Variants in UBR3 observed in about 807,000 individuals in gnomAD.
UBR3 encodes the protein ubiquitin protein ligase E3 component n-recognin 3.
In UBR3, 85 loss-of-function variants were observed where a neutral mutation model predicts 243.2. The ratio of observed to expected loss-of-function variants is 0.35; its 90% confidence interval spans 0.29 to 0.42. The LOEUF is 0.42. UBR3 is among the 10% of genes least tolerant of loss of function. The pLI, the probability that UBR3 is intolerant of heterozygous loss-of-function variation, is 1.00. For synonymous variants in UBR3, 748 were observed against 799.8 expected, an observed-to-expected ratio of 0.94 and a Z score of 1.09; for missense variants, 1,686 against 2,300.8, an observed-to-expected ratio of 0.73 and a Z score of 5.47.
In UBR3 at chr2:170,029,387, A is replaced by G. The variant is rs771898035; in HGVS notation, c.4495A>G (p.Ser1499Gly). The G allele has an allele frequency of 1.2e-6, 2 of 1,611,802 alleles. No homozygotes were observed. Among genetic ancestry groups the G allele is most frequent in the Non-Finnish European group, 1.7e-6 (2 of 1,178,728 alleles). Residue 1499 changes from serine (S) to glycine (G), a missense_variant, in exon 31 of 39, where the codon AGC becomes GGC. Ser to Gly is a moderately conservative substitution (Grantham distance 56, BLOSUM62 0). Around this residue, in one of 8 missense-constraint regions of UBR3, gnomAD observed 371 missense variants for 422.5 expected, o/e 0.88. Coordinates refer to ENST00000272793, the MANE Select transcript of UBR3 (RefSeq NM_172070.4). ...HVLALHMRLY[S>G]IDSEYNPWRK... Reference sequence around the variant, plus strand: ...ATTAGCCTTGCACATGCGGCTTTATAGCATTGACTCTGAGTATAATCCCTG... The same window carrying G: ...ATTAGCCTTGCACATGCGGCTTTATGGCATTGACTCTGAGTATAATCCCTG...
At chr2:170,055,661 A>C in intron 33 of UBR3, 77 bp downstream of exon 33, 2 of 1,533,074 alleles carry the variant, frequency 1.3e-6, no homozygotes, top group Non-Finnish European at 1.8e-6. Context: ...GAATAAGAGT[A>C]GGTGTTACAA....
At chr2:170,034,679 G>T (rs571939640) in intron 31 of UBR3, among the ~76,000 whole-genome samples, 1 of 151,902 alleles carries the variant, frequency 6.6e-6, no homozygotes, top group Non-Finnish European at 1.5e-5. Context: ...GCTTTTTTGG[G>T]TAAATACTAA....
At chr2:169,860,913 C>G (rs1328783551) in intron 1 of UBR3, among the ~76,000 whole-genome samples, 1 of 152,190 alleles carries the variant, frequency 6.6e-6, no homozygotes, top group Admixed American at 6.5e-5. Context: ...CTGCAGCACT[C>G]AGTCTGTGGC....
At chr2:169,925,495 C>T (rs762915729) in intron 13 of UBR3, 124 bp from the exon 14 acceptor site, 40 of 859,306 alleles carry the variant, frequency 4.7e-5, no homozygotes, top group Non-Finnish European at 6.1e-5. Flanking sequence ...TTATCTTTAA[C>T]ATTGGACAGA....
chr2:169,840,210 G>C (rs185276873), intron 1 of UBR3, among the ~76,000 whole-genome samples: 1 of 152,308 alleles, frequency 6.6e-6, no homozygotes, highest in East Asian at 1.9e-4. Context: ...CATTGTATGA[G>C]CCTGAAGTTT....
At chr2:170,075,913 G>GAA (rs35290980) in intron 36 of UBR3, among the ~76,000 whole-genome samples, 7 of 137,312 alleles carry the variant, frequency 5.1e-5, no homozygotes, top group Non-Finnish European at 7.8e-5. Context: ...AACTATGACA[G>GAA]AAAAAAAAAA....
intron 30 of UBR3, among the ~76,000 whole-genome samples, chr2:170,018,646 T>C (rs536838313): frequency 3.3e-5 from 5 of 152,324 alleles, no homozygotes; most frequent in Non-Finnish European, 5.9e-5. Context: ...ATCATATCTA[T>C]CTGCTGGAAT....
intron 5 of UBR3, among the ~76,000 whole-genome samples, chr2:169,889,095 G>C (rs542029118): frequency 1.3e-5 from 2 of 152,238 alleles, no homozygotes; most frequent in Admixed American, 1.3e-4. Context: ...TGGTATGTAA[G>C]AGTACCTATT....
At chr2:169,902,832 A>G (rs548554035) in intron 8 of UBR3, among the ~76,000 whole-genome samples, 1 of 152,024 alleles carries the variant, frequency 6.6e-6, no homozygotes, top group Non-Finnish European at 1.5e-5. Flanking sequence ...CTGGTCTCGA[A>G]CTCCTGACTT....
intron 18 of UBR3, among the ~76,000 whole-genome samples, chr2:169,929,079 T>C (rs2086017471): frequency 1.3e-5 from 2 of 152,246 alleles, no homozygotes; most frequent in Non-Finnish European, 2.9e-5. Flanking sequence ...CTAAGACTTC[T>C]TAGATGACTC....
At chr2:169,922,229 C>T (rs2085730895) in intron 11 of UBR3, among the ~76,000 whole-genome samples, 1 of 148,632 alleles carries the variant, frequency 6.7e-6, no homozygotes, top group Admixed American at 6.8e-5. Flanking sequence ...GAGGTTGCAG[C>T]GAACTGTGAT....
intron 30 of UBR3, among the ~76,000 whole-genome samples, chr2:170,022,167 G>A (rs1238821613): frequency 2.0e-5 from 3 of 152,100 alleles, no homozygotes; most frequent in African/African-American, 7.2e-5. Context: ...AAGCTCTGTC[G>A]GAAAGCGAAA....
At chr2:169,979,987 C>G (rs2088643199) in intron 24 of UBR3, among the ~76,000 whole-genome samples, 3 of 152,096 alleles carry the variant, frequency 2.0e-5, no homozygotes, top group Admixed American at 2.0e-4. Flanking sequence ...ATGTATGAAA[C>G]AACCTCACTG....
chr2:169,974,877 A>G (rs1176989554), intron 24 of UBR3, among the ~76,000 whole-genome samples: 2 of 152,118 alleles, frequency 1.3e-5, no homozygotes, highest in African/African-American at 4.8e-5. Context: ...TTGTTTCAAG[A>G]AACTTTTAAA....
intron 1 of UBR3, among the ~76,000 whole-genome samples, chr2:169,852,646 C>T (rs1054097849): frequency 1.3e-5 from 2 of 148,546 alleles, no homozygotes; most frequent in Non-Finnish European, 3.0e-5. Flanking sequence ...GATTTGAGAC[C>T]AGGTTGACCA....
At chr2:169,936,913 G>T (rs937593803) in intron 19 of UBR3, among the ~76,000 whole-genome samples, 1 of 152,110 alleles carries the variant, frequency 6.6e-6, no homozygotes, top group African/African-American at 2.4e-5. Context: ...TCTTAATCCA[G>T]TCTATCATTG....
chr2:170,000,955 T>G (rs2089673821), intron 26 of UBR3, among the ~76,000 whole-genome samples: 1 of 152,186 alleles, frequency 6.6e-6, no homozygotes, highest in Admixed American at 6.5e-5. Flanking sequence ...TCAGAAATCA[T>G]AGAGAGATTC....
chr2:169,997,006 G>C (rs1045435722), intron 26 of UBR3, among the ~76,000 whole-genome samples: 1 of 151,644 alleles, frequency 6.6e-6, no homozygotes, highest in African/African-American at 2.4e-5. Context: ...GCCTGCTTTG[G>C]ATTTTTTTTT....
Position 169,977,224 on chromosome 2 carries a change from T to A in UBR3, c.3635-9421T>A, listed in dbSNP as rs533063549. Among the ~76,000 whole-genome samples, 204 of 152,314 alleles carry A rather than the reference T, an allele frequency of 1.3e-3. 1 individual carries two copies. Among genetic ancestry groups the A allele is most frequent in the African/African-American group, 4.7e-3 (197 of 41,572 alleles). On this transcript the variant is annotated intron_variant, in intron 24 of 38. Coordinates refer to ENST00000272793, the MANE Select transcript of UBR3 (RefSeq NM_172070.4). The stretch of plus-strand genomic sequence containing the variant: ...TTTTTTTTCCTGGCAATTTGTTGAT[T>A]TCCTTTTCATTTGGGTCTGTTACTA...
Sources: gnomAD v4.1 joint callset for allele counts (sites outside exome capture counted in the v4.1 genomes callset) on GRCh38, gnomAD v4.1.1 for gene constraint, gnomAD v4.1.1 regional missense constraint, MANE v1.5 for transcripts, NCBI Gene and HGNC (gene_info 2026-07-23, HGNC 2026-07-21) for gene names.